The following STIL variants were observed in gnomAD, a reference collection of about 807,000 sequenced individuals.
The protein encoded by STIL is SCL-interrupting locus protein.
Under a neutral mutation model 110.1 loss-of-function variants are expected in STIL, and 55 were observed. That is an observed-to-expected ratio of 0.50 (90% CI 0.40 to 0.63). STIL has a LOEUF of 0.63. STIL is among the 20% of genes least tolerant of loss of function. The pLI is 0.00. For synonymous variants in STIL, 481 were observed against 530.0 expected, an observed-to-expected ratio of 0.91 and a Z score of 1.27; for missense variants, 1,358 against 1,530.0, an observed-to-expected ratio of 0.89 and a Z score of 1.87.
At chr1:47,313,344 A>C in intron 1 of STIL, among the ~76,000 whole-genome samples, 1 of 152,098 alleles carries the variant, frequency 6.6e-6, no homozygotes, top group East Asian at 1.9e-4. Context: ...ATAAAAATAA[A>C]TTTTTTTTAA....
chr1:47,264,308 A>T (rs1644573593), intron 14 of STIL, among the ~76,000 whole-genome samples: 1 of 152,202 alleles, frequency 6.6e-6, no homozygotes, highest in African/African-American at 2.4e-5. Context: ...ATGAGAAACA[A>T]ATTTCTGTTG....
At chr1:47,294,012 T>C (rs1645570982) in intron 7 of STIL, among the ~76,000 whole-genome samples, 1 of 152,202 alleles carries the variant, frequency 6.6e-6, no homozygotes. Context: ...GCTCTTAATA[T>C]TTACTTAAGC....
chr1:47,314,690 C>T (rs192739431), upstream of STIL, among the ~76,000 whole-genome samples: 13 of 151,826 alleles, frequency 8.6e-5, no homozygotes, highest in East Asian at 1.9e-3. Context: ...AGATTTCTTC[C>T]AGTTTCTTTC....
chr1:47,282,117 T>C (rs908667501), intron 11 of STIL, among the ~76,000 whole-genome samples: 5 of 152,106 alleles, frequency 3.3e-5, no homozygotes, highest in East Asian at 1.9e-4. Flanking sequence ...TACATGCTTA[T>C]TACATAGATA....
Position 47,280,244 on chromosome 1 carries a change from T to G in STIL, c.2214A>C (p.Ala738=). The change falls in exon 12 of 17, where the codon GCA becomes GCC. Residue 738 remains alanine (A), a synonymous_variant. Transcript: ENST00000371877. The stretch of plus-strand genomic sequence containing the variant: ...ACTAGGAAAGCACCAAGCAAACCTG[T>G]GCCTGAAGTAGTCTTAGCTGTCTGT... ...EQDRQLRLLQ[A]QIQRLLEAQS... 6.2e-7 allele frequency: 1 copy of G among 1,614,216 alleles called. No homozygotes were observed. Among genetic ancestry groups the G allele is most frequent in the Non-Finnish European group, 8.5e-7 (1 of 1,180,044 alleles).
At chr1:47,270,006 G>A (rs1026612056) in intron 13 of STIL, 140 bp from the exon 14 acceptor site, 25 of 778,280 alleles carry the variant, frequency 3.2e-5, no homozygotes, top group Middle Eastern at 2.8e-4. Flanking sequence ...AGAGGCAGAG[G>A]CGGGAGGATC....
intron 6 of STIL, among the ~76,000 whole-genome samples, chr1:47,296,654 A>T (rs1244568878): frequency 6.6e-6 from 1 of 152,012 alleles, no homozygotes; most frequent in African/African-American, 2.4e-5. Context: ...ATATACAAAA[A>T]AAAAAATTAG....
chr1:47,294,102 C>T (rs1358382075), intron 7 of STIL, among the ~76,000 whole-genome samples: 1 of 152,198 alleles, frequency 6.6e-6, no homozygotes, highest in African/African-American at 2.4e-5. Context: ...CATGCATTCT[C>T]ATTCACTTTG....
intron 10 of STIL, 53 bp downstream of exon 10, chr1:47,287,498 A>C: frequency 1.7e-6 from 2 of 1,178,506 alleles, no homozygotes; most frequent in Non-Finnish European, 2.4e-6. Context: ...ACCAAAAACT[A>C]ATAAATATAA....
intron 2 of STIL, among the ~76,000 whole-genome samples, chr1:47,305,585 T>C (rs539251793): frequency 2.0e-5 from 3 of 151,444 alleles, no homozygotes; most frequent in Admixed American, 1.3e-4. Flanking sequence ...CATACCACCA[T>C]GCCTGGCTAA....
At chr1:47,270,808 A>G (rs1644813643) in intron 13 of STIL, among the ~76,000 whole-genome samples, 2 of 151,180 alleles carry the variant, frequency 1.3e-5, no homozygotes, top group African/African-American at 4.9e-5. Flanking sequence ...CTTCCCGAGT[A>G]GCTGGGACTG....
chr1:47,279,727 C>CAAAAAAAAAAAAAAAA (rs11371469), intron 12 of STIL, among the ~76,000 whole-genome samples: 1 of 82,844 alleles, frequency 1.2e-5, no homozygotes, highest in African/African-American at 4.1e-5. Flanking sequence ...GACTCCGTCT[C>CAAAAAAAAAAAAAAAA]AAAAAAAAAA....
intron 2 of STIL, among the ~76,000 whole-genome samples, 196 bp downstream of exon 2, chr1:47,310,080 T>C (rs1217894984): frequency 3.3e-5 from 5 of 152,192 alleles, no homozygotes; most frequent in Non-Finnish European, 7.3e-5. Flanking sequence ...GAGATTACCA[T>C]CCTCATTTTA....
intron 2 of STIL, chr1:47,305,236 C>T: frequency 2.5e-6 from 1 of 398,644 alleles, no homozygotes; most frequent in South Asian, 2.7e-5. Context: ...AGCAATTCCC[C>T]TGCCTGAGCT....
At chr1:47,284,502 A>T (rs1303035983) in intron 10 of STIL, among the ~76,000 whole-genome samples, 1 of 152,054 alleles carries the variant, frequency 6.6e-6, no homozygotes, top group Non-Finnish European at 1.5e-5. Flanking sequence ...TTTAATAACA[A>T]TCTTAAAGAA....
rs773120669 is a variant in STIL at position 47,251,146 on chromosome 1, T to G, written c.3857A>C (p.Lys1286Thr). ...CAGGGAGTTAAAAGGTTAAAATAAT[T>G]TTGGTAACTGTCTGAGACGTTTTAC... The part of the protein sequence containing the change: ...LDVKRLRQLP[K>T]LF Residue 1286 changes from lysine to threonine, a missense_variant, in exon 17 of 17, where the codon AAA becomes ACA. Physicochemically the swap from Lys to Thr is moderately conservative, Grantham distance 78. Transcript: ENST00000371877. The G allele has an allele frequency of 6.2e-7, 1 of 1,613,760 alleles. No individual in the cohort carries two copies. Among genetic ancestry groups the G allele is most frequent in the African/African-American group, 1.3e-5 (1 of 74,900 alleles).
At chr1:47,294,903 C>T (rs1407306464) in intron 7 of STIL, among the ~76,000 whole-genome samples, 3 of 152,002 alleles carry the variant, frequency 2.0e-5, no homozygotes, top group Admixed American at 2.0e-4. Flanking sequence ...TCACCTTCAA[C>T]CAGGAGAATT....
Position 47,251,085 on chromosome 1 carries a change from A to G in STIL, c.*51T>C. 1 of 1,553,896 alleles carries G rather than the reference A, an allele frequency of 6.4e-7. No homozygotes were observed. The highest frequency in any genetic ancestry group is 1.2e-5 in the South Asian group (1 of 84,822). On this transcript the variant is annotated 3_prime_UTR_variant, in exon 17 of 17. Transcript: ENST00000371877. The stretch of plus-strand genomic sequence containing the variant: ...TGGTAGGCTCCTGTTTTCCCTAAGT[A>G]TCTTCAGGAGACACCCTGTCCCTGT...
intron 12 of STIL, among the ~76,000 whole-genome samples, chr1:47,272,560 C>T (rs1644873577): frequency 6.6e-6 from 1 of 151,892 alleles, no homozygotes; most frequent in Non-Finnish European, 1.5e-5. Flanking sequence ...TCGATCCTCC[C>T]ACCTCAGCCT....
Sources: allele counts gnomAD v4.1 joint callset (sites outside exome capture counted in the v4.1 genomes callset), GRCh38; gene constraint gnomAD v4.1.1; transcripts MANE v1.5; gene names NCBI Gene and HGNC (gene_info 2026-07-23, HGNC 2026-07-21).